RAB37: variants seen among roughly 807,000 people sequenced by gnomAD.
RAB37 encodes RAB37, member RAS oncogene family, also known as ras-related protein Rab-37.
In RAB37, 29 loss-of-function variants were observed where a neutral mutation model predicts 33.1. The ratio of observed to expected loss-of-function variants is 0.88; its 90% CI spans 0.65 to 1.20. RAB37 has a LOEUF of 1.20. Ranked by LOEUF, RAB37 falls within the 50% of genes most tolerant of loss-of-function variation. RAB37 has a pLI of 0.00. For missense variants in RAB37, 299 were observed against 301.1 expected, an observed-to-expected ratio of 0.99 and a Z score of 0.05; for synonymous variants, 128 against 119.5, an observed-to-expected ratio of 1.07 and a Z score of -0.47.
At chr17:74,685,739 C>CACT (rs1376211964) in intron 1 of RAB37, among the ~76,000 whole-genome samples, 3 of 152,188 alleles carry the variant, frequency 2.0e-5, no homozygotes, top group Non-Finnish European at 4.4e-5. Flanking sequence ...ACCCCTTTAT[C>CACT]ACTGACCTCC....
intron 1 of RAB37, among the ~76,000 whole-genome samples, chr17:74,714,858 A>T (rs1295531183): frequency 1.3e-5 from 2 of 152,228 alleles, no homozygotes; most frequent in African/African-American, 4.8e-5. Context: ...TCAGTGGCTC[A>T]CACTTGTAAT....
At position 74,676,249 on chromosome 17, in the gene RAB37, C is replaced by T. The variant is rs1469692300; in HGVS notation, c.72+4591C>T. 6.6e-6 allele frequency among the ~76,000 whole-genome samples: 1 copy of T among 152,178 alleles called. No individual in the cohort carries two copies. Among genetic ancestry groups the T allele is most frequent in the African/African-American group, 2.4e-5 (1 of 41,432 alleles). ...AAGCACTTACTTCCTAATTCCCTAT[C>T]ACCAGGGCTCTAAGGAACATCCACA... On this transcript the variant is annotated intron_variant, in intron 1 of 7. Transcript: ENST00000340415. The surrounding 1 kb of genome is among the most constrained non-coding windows in gnomAD (Gnocchi z 4.1).
chr17:74,736,498 G>C (rs557449316), upstream of RAB37: 1 of 1,405,360 alleles, frequency 7.1e-7, no homozygotes, highest in Non-Finnish European at 9.3e-7. Context: ...AATTTATTTG[G>C]CTCCTCCTCG....
At chr17:74,728,736 ATG>A (rs969097610) in intron 1 of RAB37, among the ~76,000 whole-genome samples, 6 of 145,934 alleles carry the variant, frequency 4.1e-5, no homozygotes, top group African/African-American at 1.5e-4. Flanking sequence ...ATATGTGTAC[ATG>A]TGTTTTTCTG....
chr17:74,703,493 A>T (rs1380074861), intron 1 of RAB37, among the ~76,000 whole-genome samples: 3 of 152,192 alleles, frequency 2.0e-5, no homozygotes, highest in Admixed American at 2.0e-4. Context: ...CAGCAAAAAC[A>T]GGAGCAGAGT....
Position 74,739,479 on chromosome 17 carries a change from T to A in RAB37, c.94-1289T>A, listed in dbSNP as rs374173414. Among the ~76,000 whole-genome samples, 9 of 148,232 alleles carry A rather than the reference T, an allele frequency of 6.1e-5. No homozygotes were observed. In the East Asian group the frequency reaches 1.2e-3, roughly 20 times the overall value. On this transcript the variant is annotated intron_variant, in intron 1 of 8. Transcript: ENST00000392613. ...TGCTGAAAGAACTTCCAACTACACA[T>A]CTCCCCACTTCAGTATAAATTTCAA...
intron 1 of RAB37, among the ~76,000 whole-genome samples, chr17:74,683,443 C>T (rs1297285599): frequency 6.6e-6 from 1 of 152,146 alleles, no homozygotes; most frequent in East Asian, 1.9e-4. Context: ...GGCGTGTCAG[C>T]CCAGGGCTAC....
intron 1 of RAB37, among the ~76,000 whole-genome samples, chr17:74,714,272 G>A (rs2034123031): frequency 1.3e-5 from 2 of 151,944 alleles, no homozygotes; most frequent in Admixed American, 1.3e-4. Flanking sequence ...TGTAGTCCAA[G>A]CAATCTGGGA....
At chr17:74,702,541 A>G (rs190854459) in intron 1 of RAB37, among the ~76,000 whole-genome samples, 118 of 152,250 alleles carry the variant, frequency 7.8e-4, no homozygotes, top group Non-Finnish European at 1.4e-3. Flanking sequence ...TGTTCTTGCC[A>G]TAATAGTAAT....
At chr17:74,701,344 C>G (rs1477942306) in intron 1 of RAB37, among the ~76,000 whole-genome samples, 1 of 152,176 alleles carries the variant, frequency 6.6e-6, no homozygotes, top group Non-Finnish European at 1.5e-5. Flanking sequence ...TTCCCTTAAA[C>G]AGTGACAGGC....
chr17:74,703,000 C>A, intron 1 of RAB37: 1 of 1,566,498 alleles, frequency 6.4e-7, no homozygotes, highest in East Asian at 2.2e-5. Flanking sequence ...GGAGTTTGGG[C>A]CAAGTAGGCC....
intron 1 of RAB37, among the ~76,000 whole-genome samples, chr17:74,693,669 C>T (rs924228264): frequency 5.9e-5 from 9 of 152,188 alleles, no homozygotes; most frequent in Admixed American, 5.9e-4. Flanking sequence ...TGGCTCACAC[C>T]TATAATCCCA....
chr17:74,731,540 T>C (rs1408739741), intron 2 of RAB37, among the ~76,000 whole-genome samples: 3 of 152,138 alleles, frequency 2.0e-5, no homozygotes, highest in Non-Finnish European at 4.4e-5. Flanking sequence ...ACCAGCCCCA[T>C]CAAACTGGCT....
At chr17:74,733,864 C>T (rs2034428403), upstream of RAB37, among the ~76,000 whole-genome samples, 1 of 152,028 alleles carries the variant, frequency 6.6e-6, no homozygotes, top group South Asian at 2.1e-4. Flanking sequence ...ACAGTGTACG[C>T]ACCCTCCAAG....
chr17:74,680,086 C>G (rs896873502), intron 1 of RAB37, among the ~76,000 whole-genome samples: 1 of 151,988 alleles, frequency 6.6e-6, no homozygotes, highest in South Asian at 2.1e-4. Context: ...ATAGCACTTG[C>G]ATGCCATGTA....
chr17:74,734,999 GAAA>G (rs141700502), upstream of RAB37, among the ~76,000 whole-genome samples: 274 of 95,648 alleles, frequency 2.9e-3, 15 homozygotes, highest in African/African-American at 6.8e-3. Flanking sequence ...AAGGAAGAAA[GAAA>G]AAGAAAGGAA....
At chr17:74,735,018 G>GAAAGAAAGA (rs2034449471), upstream of RAB37, among the ~76,000 whole-genome samples, 12 of 82,244 alleles carry the variant, frequency 1.5e-4, no homozygotes, top group East Asian at 3.8e-4. Flanking sequence ...AGGAAGGAAG[G>GAAAGAAAGA]AAGAAAGAAA....
At chr17:74,732,874 G>A (rs1198807849), upstream of RAB37, among the ~76,000 whole-genome samples, 1 of 30,212 alleles carries the variant, frequency 3.3e-5, no homozygotes, top group Non-Finnish European at 7.2e-5. Flanking sequence ...ACACGCATGA[G>A]GGTCTGTCTC....
At chr17:74,685,341 C>T (rs1464363429) in intron 1 of RAB37, among the ~76,000 whole-genome samples, 6 of 152,132 alleles carry the variant, frequency 3.9e-5, no homozygotes, top group Admixed American at 3.3e-4. Context: ...TGCACCATCA[C>T]ACCCAGCTAA....
Sources: allele counts gnomAD v4.1 joint callset (sites outside exome capture counted in the v4.1 genomes callset), GRCh38; gene constraint gnomAD v4.1.1; non-coding constraint Gnocchi (gnomAD v3.1); transcripts MANE v1.5; gene names NCBI Gene and HGNC (gene_info 2026-07-23, HGNC 2026-07-21).